The following DOK6 variants were observed in gnomAD, a reference collection of about 807,000 sequenced individuals.
The protein encoded by DOK6 is downstream of tyrosine kinase 6.
A neutral mutation model predicts 44.0 loss-of-function variants in DOK6; 22 were observed. That is an observed-to-expected ratio of 0.50 (90% CI 0.36 to 0.71). The LOEUF is 0.71. Among genes scored for constraint, DOK6 ranks in the 30% least tolerant of loss-of-function variants. The pLI is 0.00. For synonymous variants in DOK6, 166 were observed against 145.5 expected, an observed-to-expected ratio of 1.14 and a Z score of -1.01; for missense variants, 340 against 416.4, an observed-to-expected ratio of 0.82 and a Z score of 1.60.
At chr18:69,764,346 G>A (rs965586025) in intron 7 of DOK6, among the ~76,000 whole-genome samples, 3 of 152,140 alleles carry the variant, frequency 2.0e-5, no homozygotes, top group African/African-American at 7.2e-5. Context: ...GATATGGTCT[G>A]GCTCTGTGTC....
chr18:69,517,641 G>C lies in DOK6; in HGVS notation c.67-46846G>C, dbSNP rs532367887. Among the ~76,000 whole-genome samples, 6 of 150,618 alleles carry C rather than the reference G, an allele frequency of 4.0e-5. No homozygotes were observed. In the South Asian group the frequency reaches 1.3e-3, roughly 31 times the overall value. On this transcript the variant is annotated intron_variant, in intron 1 of 7. Transcript: ENST00000382713. ...TTTCAGTTTTAACTTAGTATTCAAA[G>C]ACCCTGTCTCTAATTCTTAGGGCAC...
intron 7 of DOK6, among the ~76,000 whole-genome samples, chr18:69,816,865 A>G (rs1981413467): frequency 6.6e-6 from 1 of 152,206 alleles, no homozygotes; most frequent in African/African-American, 2.4e-5. Flanking sequence ...AAATTTTAAC[A>G]GCAAAAACTT....
chr18:69,841,592 C>A lies in DOK6; in HGVS notation c.*209C>A. The A allele has an allele frequency of 1.7e-6, 1 of 575,500 alleles. No homozygotes were observed. Among genetic ancestry groups the A allele is most frequent in the Admixed American group, 3.2e-5 (1 of 31,206 alleles). 35.6% of individuals were successfully genotyped at this position (575,500 alleles called of 1,614,324 possible). On this transcript the variant is annotated 3_prime_UTR_variant, in exon 8 of 8. Coordinates refer to ENST00000382713, the MANE Select transcript of DOK6 (RefSeq NM_152721.6). The stretch of plus-strand genomic sequence containing the variant: ...ATTTATTGAATTTCTTTGGGGGAAT[C>A]TATGTTTTACATAAATAGAATCCAA...
At chr18:69,838,129 CT>C (rs1023519786) in intron 7 of DOK6, among the ~76,000 whole-genome samples, 2 of 151,168 alleles carry the variant, frequency 1.3e-5, no homozygotes, top group Non-Finnish European at 2.9e-5. Context: ...TTTGAATTTT[CT>C]TTTTTTATAT....
chr18:69,644,447 G>A (rs1379140441), intron 3 of DOK6, among the ~76,000 whole-genome samples: 1 of 152,114 alleles, frequency 6.6e-6, no homozygotes, highest in Non-Finnish European at 1.5e-5. Flanking sequence ...GAAGTTGTGA[G>A]GTTTAAGTCA....
At chr18:69,427,887 C>T (rs1295276312) in intron 1 of DOK6, among the ~76,000 whole-genome samples, 2 of 151,864 alleles carry the variant, frequency 1.3e-5, no homozygotes, top group Non-Finnish European at 2.9e-5. Flanking sequence ...AAGCAATTCT[C>T]CTACCTCAGC....
chr18:69,612,424 A>AC (rs1984170409), intron 3 of DOK6, among the ~76,000 whole-genome samples: 6 of 150,764 alleles, frequency 4.0e-5, no homozygotes, highest in Admixed American at 3.9e-4. Flanking sequence ...CATGTGTGCG[A>AC]GGGCGCATGT....
Position 69,565,525 on chromosome 18 carries a change from A to G in DOK6, c.174+931A>G, listed in dbSNP as rs113734544. ...TGTGTGTGTGTGTGTGTGTGTGTATATATATATACATAATTTTAAAAATAT... is the reference window on the plus strand; with the variant it reads ...TGTGTGTGTGTGTGTGTGTGTGTATGTATATATACATAATTTTAAAAATAT... On this transcript the variant is annotated intron_variant, in intron 2 of 7. Transcript: ENST00000382713. 2.4e-3 allele frequency among the ~76,000 whole-genome samples: 27 copies of G among 11,058 alleles called. No homozygotes were observed. The East Asian group carries it at 0.21, about 85-fold the overall frequency. The allele number at this position is 11,058 out of a possible 152,430, so 7.3% of individuals were successfully genotyped here. A position where few individuals can be genotyped will look rare whatever the true frequency, so the allele number is the denominator to read the frequency against.
intron 2 of DOK6, among the ~76,000 whole-genome samples, chr18:69,598,148 A>G (rs1365363878): frequency 6.6e-6 from 1 of 152,030 alleles, no homozygotes; most frequent in Non-Finnish European, 1.5e-5. Context: ...TGCTTGCTAA[A>G]CTAACCACAC....
intron 7 of DOK6, among the ~76,000 whole-genome samples, chr18:69,813,779 T>A (rs1052759334): frequency 6.6e-6 from 1 of 151,962 alleles, no homozygotes; most frequent in African/African-American, 2.4e-5. Flanking sequence ...AATTGGGCAA[T>A]CTGGGTTTTA....
At chr18:69,697,394 G>T (rs1986411479) in intron 4 of DOK6, among the ~76,000 whole-genome samples, 1 of 151,528 alleles carries the variant, frequency 6.6e-6, no homozygotes, top group East Asian at 1.9e-4. Flanking sequence ...AGGTATATCT[G>T]CCAGTAATTC....
At chr18:69,520,483 T>C (rs1981654604) in intron 1 of DOK6, among the ~76,000 whole-genome samples, 1 of 151,888 alleles carries the variant, frequency 6.6e-6, no homozygotes, top group Non-Finnish European at 1.5e-5. Context: ...GGAATACAGG[T>C]AGAGCATTCC....
In DOK6 at chr18:69,401,328, C is replaced by G. The variant is rs1464456301; in HGVS notation, c.66+18C>G. ...AGCTTGGGGTGAGTGGCTCGCTCGG[C>G]TTGCTCCTTCCCCGGCGCTCGTTCG... On this transcript the variant is annotated intron_variant, in intron 1 of 7. Transcript: ENST00000382713. 4.6e-6 allele frequency: 7 copies of G among 1,505,896 alleles called. No individual in the cohort carries two copies. The South Asian group carries it at 9.0e-5, about 19-fold the overall frequency. 93.3% of individuals were successfully genotyped at this position (1,505,896 alleles called of 1,614,324 possible).
intron 1 of DOK6, among the ~76,000 whole-genome samples, chr18:69,420,837 G>A (rs898029611): frequency 3.3e-5 from 5 of 152,140 alleles, no homozygotes; most frequent in African/African-American, 1.2e-4. Flanking sequence ...CCTAGACTAG[G>A]ACATGATACC....
intron 1 of DOK6, among the ~76,000 whole-genome samples, chr18:69,531,285 T>TTATATATTA (rs1008418150): frequency 7.5e-5 from 11 of 146,136 alleles, no homozygotes; most frequent in Non-Finnish European, 3.0e-5. Context: ...ATATTATATG[T>TTATATATTA]TATATATTAT....
intron 5 of DOK6, among the ~76,000 whole-genome samples, chr18:69,711,486 G>A (rs530622158): frequency 6.6e-6 from 1 of 152,234 alleles, no homozygotes; most frequent in East Asian, 1.9e-4. Context: ...CAATTAGTTG[G>A]TATATTCTCT....
chr18:69,604,575 T>C (rs1041121290), intron 3 of DOK6, among the ~76,000 whole-genome samples: 1 of 152,182 alleles, frequency 6.6e-6, no homozygotes, highest in Admixed American at 6.5e-5. Context: ...TATGTATAGA[T>C]CTAAGTCTGC....
At chr18:69,467,952 C>G (rs902099775) in intron 1 of DOK6, among the ~76,000 whole-genome samples, 2 of 152,098 alleles carry the variant, frequency 1.3e-5, no homozygotes, top group Non-Finnish European at 2.9e-5. Context: ...CATGGAGAGA[C>G]AGCTTGCAGT....
chr18:69,630,806 G>T (rs1366410551), intron 3 of DOK6, among the ~76,000 whole-genome samples: 3 of 152,122 alleles, frequency 2.0e-5, no homozygotes, highest in Non-Finnish European at 4.4e-5. Flanking sequence ...CCCATGAAAT[G>T]CTTCTGTAAA....
Sources: gnomAD v4.1 joint callset for allele counts (sites outside exome capture counted in the v4.1 genomes callset) on GRCh38, gnomAD v4.1.1 for gene constraint, MANE v1.5 for transcripts, NCBI Gene and HGNC (gene_info 2026-07-23, HGNC 2026-07-21) for gene names.